PARM1: variants seen among roughly 807,000 people sequenced by gnomAD.
The protein encoded by PARM1 is WSC4, cell wall integrity and stress response component 4 homolog.
PARM1 carries 14 observed loss-of-function variants against 24.6 expected under a neutral mutation model. The ratio of observed to expected loss-of-function variants is 0.57; its 90% CI spans 0.38 to 0.89. PARM1 has a LOEUF of 0.89. Among genes scored for constraint, PARM1 ranks in the 40% least tolerant of loss-of-function variants. The pLI is 0.00. For missense variants in PARM1, 362 were observed against 380.4 expected (o/e 0.95, Z 0.40); for synonymous variants, 179 against 156.6 (o/e 1.14, Z -1.07).
chr4:75,032,878 G>A (rs1723299084), intron 2 of PARM1, among the ~76,000 whole-genome samples: 1 of 152,168 alleles, frequency 6.6e-6, no homozygotes, highest in South Asian at 2.1e-4. Flanking sequence ...AGTAAATGGA[G>A]TCCCTAACAC....
intron 1 of PARM1, among the ~76,000 whole-genome samples, chr4:74,963,441 T>C (rs1408327985): frequency 6.6e-6 from 1 of 152,186 alleles, no homozygotes; most frequent in Non-Finnish European, 1.5e-5. Flanking sequence ...CCAAATATGG[T>C]ATATACATGC....
At chr4:74,970,306 A>C (rs532702209) in intron 1 of PARM1, 18 of 152,264 alleles carry the variant, frequency 1.2e-4, no homozygotes, top group Non-Finnish European at 2.5e-4. Context: ...CAGAGGAGGC[A>C]CTGCAGAAGG....
In PARM1 at chr4:74,949,818, A is replaced by G. The variant is rs180916395; in HGVS notation, c.43+16448A>G. ...TGGCATCAAATAGAGGCACTTCCCT[A>G]TGGCTGGCCTCTTACTCTTTTTTTT... On this transcript the variant is annotated intron_variant, in intron 1 of 3. Coordinates refer to ENST00000307428, the MANE Select transcript of PARM1 (RefSeq NM_015393.4). 3.3e-5 allele frequency among the ~76,000 whole-genome samples: 5 copies of G among 149,650 alleles called. No individual in the cohort carries two copies. In the East Asian group the frequency reaches 9.9e-4, roughly 30 times the overall value.
chr4:74,982,459 ATAAAAT>A (rs373425858), intron 1 of PARM1, among the ~76,000 whole-genome samples: 1 of 152,218 alleles, frequency 6.6e-6, no homozygotes, highest in Non-Finnish European at 1.5e-5. Context: ...CTTAAAATAA[ATAAAAT>A]TAAAATTAAG....
At chr4:75,016,322 C>A (rs1722986421) in intron 2 of PARM1, among the ~76,000 whole-genome samples, 1 of 152,154 alleles carries the variant, frequency 6.6e-6, no homozygotes, top group African/African-American at 2.4e-5. Context: ...GTTGTAAGCA[C>A]TTAAACTGCT....
rs147227826 is a variant in PARM1, at chr4:74,994,699, A to G, written c.44-17726A>G. Among the ~76,000 whole-genome samples, 681 of 152,154 alleles carry G rather than the reference A, an allele frequency of 4.5e-3. 6 individuals are homozygous for G. The highest frequency in any genetic ancestry group is 0.016 in the African/African-American group (655 of 41,522). On this transcript the variant is annotated intron_variant, in intron 1 of 3. Transcript: ENST00000307428. ...TGGCATATGCCTACAGTCCTGAGGC[A>G]GGAGAATTGCTTGAACCCAGGAAGC...
chr4:75,005,346 G>C (rs1163324715), intron 1 of PARM1, among the ~76,000 whole-genome samples: 1 of 152,338 alleles, frequency 6.6e-6, no homozygotes, highest in African/African-American at 2.4e-5. Context: ...AGCAGGGAAA[G>C]ACATGGCCAG....
At chr4:74,981,839 C>T (rs1302928194) in intron 1 of PARM1, among the ~76,000 whole-genome samples, 1 of 128,070 alleles carries the variant, frequency 7.8e-6, no homozygotes, top group African/African-American at 3.1e-5. Context: ...CGCGCCACTG[C>T]ACAAATAACA....
chr4:74,945,892 A>G (rs1400563503), intron 1 of PARM1, among the ~76,000 whole-genome samples: 4 of 152,206 alleles, frequency 2.6e-5, no homozygotes, highest in African/African-American at 9.6e-5. Flanking sequence ...TGTTATTAAT[A>G]CTCTATGACA....
chr4:75,028,838 T>C (rs560211249), intron 2 of PARM1, among the ~76,000 whole-genome samples: 1 of 152,366 alleles, frequency 6.6e-6, no homozygotes, highest in African/African-American at 2.4e-5. Context: ...TCCTAATATT[T>C]ACATTTTGGA....
At chr4:75,004,930 C>T (rs766063477) in intron 1 of PARM1, among the ~76,000 whole-genome samples, 5 of 152,176 alleles carry the variant, frequency 3.3e-5, no homozygotes, top group Non-Finnish European at 7.4e-5. Flanking sequence ...TTCAGCTGTA[C>T]CGTGTGCTAG....
chr4:74,969,849 G>C (rs1721988242), intron 1 of PARM1: 1 of 152,120 alleles, frequency 6.6e-6, no homozygotes, highest in South Asian at 2.1e-4. Context: ...GAGCAATAGG[G>C]GTTTTGTTTT....
chr4:74,968,898 T>G (rs1052252513), intron 1 of PARM1, among the ~76,000 whole-genome samples: 1 of 152,218 alleles, frequency 6.6e-6, no homozygotes, highest in South Asian at 2.1e-4. Flanking sequence ...TGGGTTCCAG[T>G]CATTCTGAGA....
intron 1 of PARM1, among the ~76,000 whole-genome samples, chr4:74,976,210 C>T (rs576342008): frequency 1.3e-5 from 2 of 152,262 alleles, no homozygotes; most frequent in African/African-American, 4.8e-5. Context: ...TGACCAGGTT[C>T]CTGGGGAGAG....
At chr4:74,998,913 T>A (rs927905760) in intron 1 of PARM1, among the ~76,000 whole-genome samples, 18 of 152,176 alleles carry the variant, frequency 1.2e-4, no homozygotes, top group African/African-American at 3.9e-4. Flanking sequence ...TGGTGATAAG[T>A]TAGGTCCTGT....
At chr4:74,997,485 T>C (rs1722597481) in intron 1 of PARM1, among the ~76,000 whole-genome samples, 1 of 152,190 alleles carries the variant, frequency 6.6e-6, no homozygotes, top group Non-Finnish European at 1.5e-5. Context: ...TTCAGACATA[T>C]CTGAGCCCAA....
chr4:74,945,423 C>T (rs1359764377), intron 1 of PARM1, among the ~76,000 whole-genome samples: 4 of 152,206 alleles, frequency 2.6e-5, no homozygotes, highest in East Asian at 1.9e-4. Flanking sequence ...AATCTTGATT[C>T]GAAATTCATT....
intron 1 of PARM1, among the ~76,000 whole-genome samples, chr4:74,948,022 T>C (rs371615928): frequency 1.1e-4 from 17 of 152,332 alleles, no homozygotes; most frequent in Admixed American, 9.2e-4. Flanking sequence ...CTTTCAGGCC[T>C]CTCTGCCTTT....
chr4:74,936,453 GTTT>G (rs869134720), intron 1 of PARM1, among the ~76,000 whole-genome samples: 9 of 143,234 alleles, frequency 6.3e-5, no homozygotes, highest in Non-Finnish European at 1.4e-4. Flanking sequence ...TTTTTTGTTT[GTTT>G]TTTTGTTTTT....
Sources: gnomAD v4.1 joint callset for allele counts (sites outside exome capture counted in the v4.1 genomes callset) on GRCh38, gnomAD v4.1.1 for gene constraint, MANE v1.5 for transcripts, NCBI Gene and HGNC (gene_info 2026-07-23, HGNC 2026-07-21) for gene names.